Variants in UVSSA observed in about 807,000 individuals in gnomAD.
UVSSA encodes the protein UV-stimulated scaffold protein A.
UVSSA carries 72 observed loss-of-function variants against 73.9 expected under a neutral mutation model. The ratio of observed to expected loss-of-function variants is 0.97; its 90% confidence interval spans 0.81 to 1.19. The LOEUF (loss-of-function observed/expected upper bound fraction) is 1.19, where lower values mean the gene tolerates loss of function less well. Among genes scored for constraint, UVSSA ranks in the 50% most tolerant of loss-of-function variants. The probability of loss-of-function intolerance (pLI) is 0.00; values close to 1 mark genes in which losing one functional copy is unlikely to be tolerated. For synonymous variants in UVSSA, 454 were observed against 391.3 expected (o/e 1.16, Z -1.89); for missense variants, 1,150 against 965.0 (o/e 1.19, Z -2.54).
intron 6 of UVSSA, 45 bp downstream of exon 6, chr4:1,354,892 A>T: frequency 7.4e-7 from 1 of 1,352,230 alleles, no homozygotes. Context: ...ACGTGTGCAG[A>T]GTGCCATGCA....
intron 10 of UVSSA, 121 bp from the exon 11 acceptor site, chr4:1,379,926 C>A (rs551958369): frequency 1.6e-6 from 2 of 1,219,590 alleles, no homozygotes; most frequent in Non-Finnish European, 2.3e-6. Context: ...TGGGTGCTGT[C>A]CACAGTGTTG....
upstream of UVSSA, among the ~76,000 whole-genome samples, chr4:1,342,450 G>A (rs924369228): frequency 1.3e-5 from 2 of 152,148 alleles, no homozygotes; most frequent in African/African-American, 4.8e-5. Flanking sequence ...AATCCTTTGA[G>A]GGATATGTGT....
downstream of UVSSA, chr4:1,388,529 G>C (rs563726456): frequency 6.6e-6 from 1 of 152,192 alleles, no homozygotes; most frequent in Admixed American, 6.5e-5. Flanking sequence ...AGACATCCTC[G>C]TCTTACTCTT....
intron 7 of UVSSA, among the ~76,000 whole-genome samples, chr4:1,360,745 G>A (rs531370324): frequency 6.6e-6 from 1 of 152,352 alleles, no homozygotes; most frequent in South Asian, 2.1e-4. Context: ...ATTTTCCCGA[G>A]CCCAGAGTTA....
intron 10 of UVSSA, among the ~76,000 whole-genome samples, chr4:1,379,777 CG>C (rs1286325155): frequency 4.0e-4 from 13 of 32,588 alleles, no homozygotes; most frequent in African/African-American, 1.9e-3. Flanking sequence ...AGAATTCAGA[CG>C]CAGGCGGTCG....
chr4:1,373,249 T>G (rs1718357106), intron 8 of UVSSA, among the ~76,000 whole-genome samples: 1 of 152,178 alleles, frequency 6.6e-6, no homozygotes, highest in South Asian at 2.1e-4. Context: ...AGGCTGAGGA[T>G]CAAGGAGAGC....
At chr4:1,350,389 A>G (rs1223288123) in intron 3 of UVSSA, among the ~76,000 whole-genome samples, 2 of 152,112 alleles carry the variant, frequency 1.3e-5, no homozygotes, top group Non-Finnish European at 1.5e-5. Flanking sequence ...CCCCAGTGCA[A>G]TGACCCAGCC....
At chr4:1,384,078 A>T in intron 13 of UVSSA, 138 bp downstream of exon 13, 1 of 1,162,316 alleles carries the variant, frequency 8.6e-7, no homozygotes, top group Non-Finnish European at 1.2e-6. Context: ...CCCCTGGGGG[A>T]CCACCCAGCC....
intron 3 of UVSSA, among the ~76,000 whole-genome samples, chr4:1,351,129 G>C (rs1402682353): frequency 6.6e-6 from 1 of 152,010 alleles, no homozygotes; most frequent in East Asian, 1.9e-4. Flanking sequence ...GCAGTGGTGC[G>C]ATCTCAGCTC....
At chr4:1,395,928 G>A in exon 14 of UVSSA, 1 of 1,557,680 alleles carries the variant, frequency 6.4e-7, no homozygotes, top group Non-Finnish European at 8.7e-7. Context: ...TTAGCCTGGT[G>A]CTTTTCGTAT....
At chr4:1,346,550 G>C (rs1399607631), upstream of UVSSA, among the ~76,000 whole-genome samples, 1 of 152,106 alleles carries the variant, frequency 6.6e-6, no homozygotes, top group Admixed American at 6.5e-5. Flanking sequence ...AGGGGTACCT[G>C]CTGTGCGTCT....
chr4:1,362,654 G>A lies in UVSSA; in HGVS notation c.1177-3666G>A, dbSNP rs146728981. Among the ~76,000 whole-genome samples, 1,232 of 152,322 alleles carry A rather than the reference G, an allele frequency of 8.1e-3. 20 individuals are homozygous for A. The highest frequency in any genetic ancestry group is 0.028 in the African/African-American group (1,176 of 41,566). On this transcript the variant is annotated intron_variant, in intron 7 of 13. Transcript: ENST00000389851. Reference sequence around the variant, plus strand: ...GCCCCTCAGCAGGGCTTGCAGACCCGTGGTGCTGGCCCCTGGCTCATCTGT... The same window carrying A: ...GCCCCTCAGCAGGGCTTGCAGACCCATGGTGCTGGCCCCTGGCTCATCTGT...
rs1160748415 is a variant in UVSSA at position 1,349,791 on chromosome 4, G to A, written c.366G>A (p.Glu122=). 6.3e-7 allele frequency: 1 copy of A among 1,595,928 alleles called. No homozygotes were observed. The highest frequency in any genetic ancestry group is 8.6e-7 in the Non-Finnish European group (1 of 1,169,548). The change falls in exon 3 of 14, where the codon GAG becomes GAA. Residue 122 remains glutamate, a synonymous_variant. Coordinates refer to ENST00000389851, the MANE Select transcript of UVSSA (RefSeq NM_020894.4). ...ATTRAVEGWN[E]KFGEAYKKLA... ...CCCGGGCCGTGGAAGGGTGGAATGA[G>A]AAGTTTGGGGAGGCCTACAAGAAGC...
chr4:1,394,907 T>C lies in UVSSA; in HGVS notation c.*8946T>C, dbSNP rs201053966. ...GTGCCCGCCTGCTCACACGTGCCCA[T>C]GCGGAGTGCCCGCCTGCTCACACGT... On this transcript the variant is annotated 3_prime_UTR_variant, in exon 14 of 14. Coordinates refer to the UVSSA transcript ENST00000511216. The C allele has an allele frequency of 2.0e-4, 288 of 1,437,970 alleles. 2 individuals are homozygous for C. The highest frequency in any genetic ancestry group is 2.1e-4 in the Non-Finnish European group (223 of 1,079,196). The allele number at this position is 1,437,970 out of a possible 1,614,324, so 89.1% of individuals were successfully genotyped here. A position where few individuals can be genotyped will look rare whatever the true frequency, so the allele number is the denominator to read the frequency against.
intron 8 of UVSSA, among the ~76,000 whole-genome samples, chr4:1,370,945 C>T (rs916476159): frequency 6.6e-6 from 1 of 152,202 alleles, no homozygotes; most frequent in East Asian, 1.9e-4. Context: ...TTTGTCCTTA[C>T]CCACTTCCCT....
At chr4:1,360,522 G>A (rs1399137565) in intron 7 of UVSSA, among the ~76,000 whole-genome samples, 1 of 152,168 alleles carries the variant, frequency 6.6e-6, no homozygotes, top group Non-Finnish European at 1.5e-5. Context: ...CTGGCCTCCT[G>A]ATGAATGTAA....
chr4:1,350,968 C>T lies in UVSSA; in HGVS notation c.430-747C>T, dbSNP rs527298908. Among the ~76,000 whole-genome samples, 18 of 152,274 alleles carry T rather than the reference C, an allele frequency of 1.2e-4. 1 individual carries two copies. The highest frequency in any genetic ancestry group is 3.6e-4 in the African/African-American group (15 of 41,542). On this transcript the variant is annotated intron_variant, in intron 3 of 13. Coordinates refer to ENST00000389851, the MANE Select transcript of UVSSA (RefSeq NM_020894.4). ...TCACCCAGGCTAGAGTGCAGTGGCG[C>T]GATCTCGGCTCACTGCAACCTCCGC...
chr4:1,388,214 A>G (rs1720290299), downstream of UVSSA: 1 of 152,184 alleles, frequency 6.6e-6, no homozygotes, highest in Non-Finnish European at 1.5e-5. Flanking sequence ...TAAATTATTA[A>G]AAGATTATAA....
intron 7 of UVSSA, among the ~76,000 whole-genome samples, chr4:1,360,435 G>A (rs781206669): frequency 6.6e-6 from 1 of 152,212 alleles, no homozygotes; most frequent in African/African-American, 2.4e-5. Context: ...GGGGTCGATC[G>A]GTTTTCCACC....
Sources: gnomAD v4.1 joint callset for allele counts (sites outside exome capture counted in the v4.1 genomes callset) on GRCh38, gnomAD v4.1.1 for gene constraint, MANE v1.5 for transcripts, NCBI Gene and HGNC (gene_info 2026-07-23, HGNC 2026-07-21) for gene names.